DLGAP2: variants seen among roughly 807,000 people sequenced by gnomAD.
DLGAP2 encodes DLG associated protein 2, also known as disks large-associated protein 2.
DLGAP2 carries 26 observed loss-of-function variants against 100.3 expected under a neutral mutation model. The ratio of observed to expected loss-of-function variants is 0.26; its 90% CI spans 0.19 to 0.36. DLGAP2 has a LOEUF of 0.36. Among genes scored for constraint, DLGAP2 ranks in the 10% least tolerant of loss-of-function variants. The probability of loss-of-function intolerance (pLI) is 1.00; values close to 1 mark genes in which losing one functional copy is unlikely to be tolerated. For missense variants in DLGAP2, 1,858 were observed against 1,453.2 expected (o/e 1.28, Z -4.53); for synonymous variants, 886 against 630.1 (o/e 1.41, Z -6.08).
intron 2 of DLGAP2, among the ~76,000 whole-genome samples, chr8:914,551 C>A (rs570249173): frequency 6.6e-6 from 1 of 152,234 alleles, no homozygotes; most frequent in Admixed American, 6.5e-5. Context: ...AAAATGTGAC[C>A]CCCTGGGGAA....
chr8:1,492,501 C>G (rs570726975), intron 3 of DLGAP2, among the ~76,000 whole-genome samples: 2 of 152,330 alleles, frequency 1.3e-5, no homozygotes, highest in East Asian at 3.9e-4. Context: ...CTGAGCGTTC[C>G]CTGTGCGTTC....
chr8:1,217,214 A>C (rs921547210), intron 2 of DLGAP2, among the ~76,000 whole-genome samples: 2 of 152,212 alleles, frequency 1.3e-5, no homozygotes, highest in African/African-American at 4.8e-5. Flanking sequence ...TGGAGTATTT[A>C]GTTTTCTGTC....
rs549055391 is a variant in DLGAP2, at chr8:1,560,616, C to T, written c.1231-5067C>T. Reference sequence around the variant, plus strand: ...CAGTCCGAAGGCCTCCAGTCATCTCCAGAAAGACCGGGCGCTCCACTGCCC... The same window carrying T: ...CAGTCCGAAGGCCTCCAGTCATCTCTAGAAAGACCGGGCGCTCCACTGCCC... On this transcript the variant is annotated intron_variant, in intron 5 of 14. Transcript: ENST00000637795. 3.3e-5 allele frequency among the ~76,000 whole-genome samples: 5 copies of T among 152,320 alleles called. No homozygotes were observed. In the South Asian group the frequency reaches 8.3e-4, roughly 25 times the overall value.
At chr8:1,447,339 A>T (rs976071724) in intron 3 of DLGAP2, among the ~76,000 whole-genome samples, 1 of 152,234 alleles carries the variant, frequency 6.6e-6, no homozygotes. Context: ...ATCTATTGAG[A>T]TAATCATGTG....
Position 1,701,417 on chromosome 8 carries a change from C to CGGCGCCTTCCCCTCGTCGCT in DLGAP2, c.*12_*31dup, listed in dbSNP as rs1255622447. On this transcript the variant is annotated 3_prime_UTR_variant, in exon 15 of 15. Coordinates refer to ENST00000637795, the MANE Select transcript of DLGAP2 (RefSeq NM_001346810.2). Reference sequence around the variant, plus strand: ...CAGACCCGGCTCTGAGGGCGGAGGCCGGCGCCTTCCCCTCGTCGCTTCCGC... The same window carrying CGGCGCCTTCCCCTCGTCGCT: ...CAGACCCGGCTCTGAGGGCGGAGGCCGGCGCCTTCCCCTCGTCGCTGGCGCCTTCCCCTCGTCGCTTCCGC... 8.9e-6 allele frequency: 14 copies of CGGCGCCTTCCCCTCGTCGCT among 1,572,574 alleles called. No individual in the cohort carries two copies. In the African/African-American group the frequency reaches 1.4e-4, roughly 15 times the overall value.
intron 1 of DLGAP2, among the ~76,000 whole-genome samples, chr8:867,120 G>A (rs1339622639): frequency 2.0e-5 from 3 of 152,292 alleles, no homozygotes; most frequent in South Asian, 4.1e-4. Flanking sequence ...CGTCACCGTG[G>A]GCAAAGTGAC....
chr8:1,139,499 G>A (rs769621294), intron 2 of DLGAP2, among the ~76,000 whole-genome samples: 12 of 152,156 alleles, frequency 7.9e-5, no homozygotes, highest in South Asian at 4.1e-4. Context: ...CTCCCTCGGC[G>A]CTAATCCCAT....
chr8:903,304 C>T (rs1278360545), intron 1 of DLGAP2, among the ~76,000 whole-genome samples: 3 of 152,050 alleles, frequency 2.0e-5, no homozygotes, highest in African/African-American at 7.3e-5. Context: ...GAGTTGTAGG[C>T]GTCCTGCCCA....
chr8:1,696,961 C>A (rs1799413295), intron 13 of DLGAP2, among the ~76,000 whole-genome samples, 186 bp from the exon 14 acceptor site: 1 of 152,250 alleles, frequency 6.6e-6, no homozygotes, highest in African/African-American at 2.4e-5. Flanking sequence ...AGGCCGACAG[C>A]AAATACGTGT....
At chr8:871,761 C>T (rs1009003758) in intron 1 of DLGAP2, among the ~76,000 whole-genome samples, 2 of 152,162 alleles carry the variant, frequency 1.3e-5, no homozygotes, top group Non-Finnish European at 2.9e-5. Flanking sequence ...AAGGGACACT[C>T]AGCCTGAGCT....
chr8:1,408,823 G>A (rs564218504), intron 3 of DLGAP2, among the ~76,000 whole-genome samples: 18 of 152,170 alleles, frequency 1.2e-4, no homozygotes, highest in African/African-American at 4.1e-4. Flanking sequence ...TTAACAGGAA[G>A]ACTTGACTGT....
intron 1 of DLGAP2, among the ~76,000 whole-genome samples, chr8:898,949 C>T (rs1320918823): frequency 1.3e-5 from 2 of 152,224 alleles, no homozygotes; most frequent in Admixed American, 6.5e-5. Context: ...GACGGACAAA[C>T]AGACTCTTGG....
At chr8:844,843 C>T (rs1388518412) in intron 1 of DLGAP2, among the ~76,000 whole-genome samples, 1 of 152,206 alleles carries the variant, frequency 6.6e-6, no homozygotes, top group Non-Finnish European at 1.5e-5. Flanking sequence ...CCTGCCTCCT[C>T]CCCAGGCCAG....
intron 1 of DLGAP2, among the ~76,000 whole-genome samples, chr8:872,490 C>T (rs901854262): frequency 2.0e-5 from 3 of 152,050 alleles, no homozygotes; most frequent in East Asian, 1.9e-4. Context: ...TGTGCCACCA[C>T]GCCCGGCTAA....
chr8:1,439,687 A>G (rs775716289), intron 3 of DLGAP2, among the ~76,000 whole-genome samples: 1 of 152,098 alleles, frequency 6.6e-6, no homozygotes, highest in Non-Finnish European at 1.5e-5. Context: ...CGTGAGCAGT[A>G]TGTCTCCTGC....
intron 12 of DLGAP2, among the ~76,000 whole-genome samples, chr8:1,681,267 C>T (rs1018896757): frequency 5.9e-5 from 9 of 152,100 alleles, no homozygotes; most frequent in African/African-American, 1.9e-4. Flanking sequence ...CATCATTTTC[C>T]ATGTTTAGTG....
chr8:1,676,957 C>T (rs962113652), intron 11 of DLGAP2, among the ~76,000 whole-genome samples: 14 of 152,138 alleles, frequency 9.2e-5, no homozygotes, highest in African/African-American at 3.1e-4. Context: ...TCATGTTACA[C>T]GTAAAACGAT....
At chr8:956,157 C>A (rs1054310873) in intron 2 of DLGAP2, among the ~76,000 whole-genome samples, 2 of 152,180 alleles carry the variant, frequency 1.3e-5, no homozygotes, top group Non-Finnish European at 2.9e-5. Flanking sequence ...TTTGTGTGTG[C>A]GTCTGGTGCA....
At chr8:752,833 C>T (rs1820826288) in intron 1 of DLGAP2, among the ~76,000 whole-genome samples, 1 of 152,104 alleles carries the variant, frequency 6.6e-6, no homozygotes, top group African/African-American at 2.4e-5. Context: ...GCACGTCGGG[C>T]TCAGAGCCTC....
Sources: allele counts gnomAD v4.1 joint callset (sites outside exome capture counted in the v4.1 genomes callset), GRCh38; gene constraint gnomAD v4.1.1; transcripts MANE v1.5; gene names NCBI Gene and HGNC (gene_info 2026-07-23, HGNC 2026-07-21).